TRRAP: variants seen among roughly 807,000 people sequenced by gnomAD.
The protein encoded by TRRAP is transformation/transcription domain associated protein.
Under a neutral mutation model 438.8 loss-of-function variants are expected in TRRAP, and 41 were observed. That is an observed-to-expected ratio of 0.09 (90% CI 0.07 to 0.12). The LOEUF is 0.12. Ranked by LOEUF, TRRAP falls within the 10% of genes least tolerant of loss-of-function variation. TRRAP has a pLI of 1.00. For synonymous variants in TRRAP, 1,994 were observed against 1,962.9 expected (o/e 1.02, Z -0.42); for missense variants, 3,122 against 5,055.1 (o/e 0.62, Z 11.60).
Position 98,925,106 on chromosome 7 carries a change from T to C in TRRAP, c.2824-6T>C, listed in dbSNP as rs1554411323. On this transcript the variant is annotated splice_region_variant and splice_polypyrimidine_tract_variant and intron_variant, in intron 21 of 72. Transcript: ENST00000456197. ...AAACTGTAGTTTCTTTGTGTCTTGG[T>C]TGTAGGCCATTGAAACTGCTCTGGA... 1.9e-6 allele frequency: 3 copies of C among 1,607,532 alleles called. No homozygotes were observed. Among genetic ancestry groups the C allele is most frequent in the Non-Finnish European group, 2.5e-6 (3 of 1,177,896 alleles).
intron 14 of TRRAP, 95 bp downstream of exon 14, chr7:98,909,057 T>G: frequency 8.3e-7 from 1 of 1,199,676 alleles, no homozygotes; most frequent in Admixed American, 2.5e-5. Flanking sequence ...AGATCCTTGT[T>G]CTGTTGCCTA....
intron 58 of TRRAP, among the ~76,000 whole-genome samples, chr7:98,981,168 G>C (rs558215337): frequency 1.3e-5 from 2 of 152,222 alleles, no homozygotes; most frequent in Non-Finnish European, 2.9e-5. Context: ...TTGGGAGGCT[G>C]AGGCAGGCAG....
At chr7:98,927,748 C>A (rs1324572086) in intron 23 of TRRAP, among the ~76,000 whole-genome samples, 2 of 152,142 alleles carry the variant, frequency 1.3e-5, no homozygotes, top group East Asian at 3.9e-4. Context: ...ATCACCTGCT[C>A]CCTGCTCTCC....
rs565136873 is a variant in TRRAP at position 98,961,177 on chromosome 7, A to G, written c.6490-84A>G. 4.9e-5 allele frequency: 65 copies of G among 1,319,320 alleles called. No individual in the cohort carries two copies. In the African/African-American group the frequency reaches 7.4e-4, roughly 15 times the overall value. The allele number at this position is 1,319,320 out of a possible 1,614,324, so 81.7% of individuals were successfully genotyped here. The stretch of plus-strand genomic sequence containing the variant: ...GTCTCCAAATAATTAATCCAGTGCT[A>G]GATTTTGCCAGACTCTTGTTTCTAG... On this transcript the variant is annotated intron_variant, in intron 45 of 72. Coordinates refer to ENST00000456197, the MANE Select transcript of TRRAP (RefSeq NM_001375524.1).
intron 12 of TRRAP, among the ~76,000 whole-genome samples, chr7:98,903,728 G>A (rs1554407097): frequency 6.6e-6 from 1 of 152,152 alleles, no homozygotes; most frequent in East Asian, 1.9e-4. Flanking sequence ...ACATACCCGA[G>A]ACTGGGCAAT....
At chr7:98,961,527 G>T in intron 46 of TRRAP, 53 bp downstream of exon 46, 1 of 1,595,378 alleles carries the variant, frequency 6.3e-7, no homozygotes, top group Non-Finnish European at 8.6e-7. Flanking sequence ...GGTGGGCGCG[G>T]AGCTTGCTAT....
At chr7:98,897,671 G>GTTTT in intron 7 of TRRAP, 70 bp from the exon 8 acceptor site, 1 of 1,455,176 alleles carries the variant, frequency 6.9e-7, no homozygotes, top group South Asian at 1.3e-5. Flanking sequence ...GTTTTGTTTT[G>GTTTT]TTTTGTTTTG....
chr7:98,885,077 A>G (rs782607451), intron 3 of TRRAP, among the ~76,000 whole-genome samples: 6 of 152,074 alleles, frequency 3.9e-5, no homozygotes, highest in Non-Finnish European at 8.8e-5. Context: ...CACCCTTACA[A>G]ACTACAAAAG....
chr7:98,917,413 C>G lies in TRRAP; in HGVS notation c.2366-10C>G, dbSNP rs377154233. 16 of 1,611,898 alleles carry G rather than the reference C, an allele frequency of 9.9e-6. No individual in the cohort carries two copies. Among genetic ancestry groups the G allele is most frequent in the African/African-American group, 2.7e-5 (2 of 74,886 alleles). On this transcript the variant is annotated splice_polypyrimidine_tract_variant and intron_variant, in intron 19 of 72. Transcript: ENST00000456197. ...TCTTCCCTCTCTGATAGCTGCACCC[C>G]CTTCCCTAGGGCTGAACATGCTTCA...
intron 5 of TRRAP, among the ~76,000 whole-genome samples, chr7:98,892,945 T>C (rs1438830904): frequency 6.6e-6 from 1 of 152,050 alleles, no homozygotes; most frequent in African/African-American, 2.4e-5. Flanking sequence ...TTTTCTTGCT[T>C]CTCTTAGTCT....
rs749874808 is a variant in TRRAP, at chr7:98,988,974, C to T, written c.9591+8C>T. ...AGGAAATACTTAGCCAAGGTGAGAC[C>T]GAAAAAACGAGCTTTGACCAGAGGC... is the stretch of plus-strand genomic sequence containing the variant. On this transcript the variant is annotated splice_region_variant and intron_variant, in intron 63 of 72. Coordinates refer to ENST00000456197, the MANE Select transcript of TRRAP (RefSeq NM_001375524.1). 4.3e-6 allele frequency: 7 copies of T among 1,609,376 alleles called. No homozygotes were observed. Among genetic ancestry groups the T allele is most frequent in the Non-Finnish European group, 5.9e-6 (7 of 1,177,918 alleles).
At chr7:98,964,054 C>G (rs1319615876) in intron 47 of TRRAP, among the ~76,000 whole-genome samples, 1 of 149,282 alleles carries the variant, frequency 6.7e-6, no homozygotes, top group East Asian at 2.0e-4. Flanking sequence ...GCACTCCAGC[C>G]TGGGTGATAG....
At chr7:98,972,064 A>G in intron 53 of TRRAP, 119 bp downstream of exon 53, 1 of 1,362,898 alleles carries the variant, frequency 7.3e-7, no homozygotes, top group Non-Finnish European at 9.7e-7. Flanking sequence ...TCTTTTTGAG[A>G]TGGGATGTTG....
At chr7:98,999,545 A>T in intron 67 of TRRAP, 1 of 725,392 alleles carries the variant, frequency 1.4e-6, no homozygotes, top group Non-Finnish European at 2.5e-6. Context: ...TGCTTAAGAA[A>T]CTGCATCCAG....
intron 48 of TRRAP, 130 bp downstream of exon 48, chr7:98,964,905 G>C (rs79568844): frequency 9.8e-5 from 116 of 1,178,640 alleles, no homozygotes; most frequent in Admixed American, 2.0e-4. Context: ...GTCGTAAATC[G>C]TTACCATTTG....
At chr7:98,902,517 T>C (rs1796514619) in intron 11 of TRRAP, among the ~76,000 whole-genome samples, 1 of 152,208 alleles carries the variant, frequency 6.6e-6, no homozygotes. Flanking sequence ...AAAAACTACT[T>C]TTGAAAGCAT....
At position 98,950,214 on chromosome 7, in the gene TRRAP, C is replaced by T; in HGVS notation, c.5286C>T (p.Arg1762=). The part of the protein sequence containing the change: ...SIAQKRALFF[R]FVDFNDPNFG... Reference sequence around the variant, plus strand: ...CTCAGAAACGTGCCCTGTTCTTTCGCTTTGTAGACTTCAACGACCCCAACT... The same window carrying T: ...CTCAGAAACGTGCCCTGTTCTTTCGTTTTGTAGACTTCAACGACCCCAACT... The change falls in exon 38 of 73, where the codon CGC becomes CGT. Residue 1762 remains arginine (R), a synonymous_variant. Coordinates refer to ENST00000456197, the MANE Select transcript of TRRAP (RefSeq NM_001375524.1). 6.2e-7 allele frequency: 1 copy of T among 1,614,186 alleles called. No homozygotes were observed. Among genetic ancestry groups the T allele is most frequent in the Non-Finnish European group, 8.5e-7 (1 of 1,180,014 alleles).
Position 99,004,251 on chromosome 7 carries a change from G to A in TRRAP, c.10371G>A (p.Lys3457=), listed in dbSNP as rs569455335. Residue 3457 remains lysine, a synonymous_variant, in exon 68 of 73, where the codon AAG becomes AAA. Coordinates refer to ENST00000456197, the MANE Select transcript of TRRAP (RefSeq NM_001375524.1). ...KLHNLISKLK[K]WIKILEAKTK... The stretch of plus-strand genomic sequence containing the variant: ...ATAATCTTATTTCTAAGTTGAAAAA[G>A]TGGATCAAAATCTTGGAGGCCAAGA... The A allele has an allele frequency of 3.7e-6, 6 of 1,614,172 alleles. No homozygotes were observed. The Admixed American group carries it at 6.7e-5, about 18-fold the overall frequency.
At chr7:98,963,504 G>C (rs764952854) in intron 47 of TRRAP, among the ~76,000 whole-genome samples, 1 of 152,156 alleles carries the variant, frequency 6.6e-6, no homozygotes, top group East Asian at 1.9e-4. Context: ...GGGCAGCCTC[G>C]GGGTGAGGTG....
Sources: gnomAD v4.1 joint callset for allele counts (sites outside exome capture counted in the v4.1 genomes callset) on GRCh38, gnomAD v4.1.1 for gene constraint, MANE v1.5 for transcripts, NCBI Gene and HGNC (gene_info 2026-07-23, HGNC 2026-07-21) for gene names.